Variants in TENM2 observed in about 807,000 individuals in gnomAD.
TENM2 encodes the protein teneurin transmembrane protein 2.
A neutral mutation model predicts 245.2 loss-of-function variants in TENM2; 52 were observed. The ratio of observed to expected loss-of-function variants is 0.21; its 90% CI spans 0.17 to 0.27. TENM2 has a LOEUF of 0.27. TENM2 is among the 10% of genes least tolerant of loss of function. The probability of loss-of-function intolerance (pLI) is 1.00; values close to 1 mark genes in which losing one functional copy is unlikely to be tolerated. For missense variants in TENM2, 3,046 were observed against 3,666.8 expected (o/e 0.83, Z 4.37); for synonymous variants, 1,363 against 1,438.9 (o/e 0.95, Z 1.19).
intron 10 of TENM2, among the ~76,000 whole-genome samples, chr5:168,119,910 A>G (rs1795350947): frequency 6.6e-6 from 1 of 152,240 alleles, no homozygotes; most frequent in Admixed American, 6.5e-5. Flanking sequence ...CCTCATGGCC[A>G]GGCTAACAAG....
chr5:167,863,480 C>T (rs566695043), intron 2 of TENM2, among the ~76,000 whole-genome samples: 6 of 151,392 alleles, frequency 4.0e-5, no homozygotes, highest in South Asian at 4.2e-4. Context: ...CACACACACA[C>T]ACACACACAC....
At chr5:167,336,280 C>G (rs1757749943) in intron 1 of TENM2, among the ~76,000 whole-genome samples, 1 of 138,614 alleles carries the variant, frequency 7.2e-6, no homozygotes, top group South Asian at 2.3e-4. Flanking sequence ...TGGCCACATT[C>G]TATAGCAAGC....
chr5:167,401,496 AT>A (rs1762364575), intron 2 of TENM2, among the ~76,000 whole-genome samples: 2 of 152,276 alleles, frequency 1.3e-5, no homozygotes, highest in Admixed American at 6.5e-5. Context: ...AAGTCTTTAA[AT>A]TTTTAAAAGG....
chr5:168,241,929 T>C (rs1249639338), intron 25 of TENM2, among the ~76,000 whole-genome samples: 1 of 152,116 alleles, frequency 6.6e-6, no homozygotes, highest in African/African-American at 2.4e-5. Flanking sequence ...GGGAAAGCAA[T>C]CCTTGGCTGT....
intron 15 of TENM2, among the ~76,000 whole-genome samples, chr5:168,198,339 G>GCACC (rs1477122746): frequency 6.6e-6 from 1 of 151,894 alleles, no homozygotes; most frequent in African/African-American, 2.4e-5. Flanking sequence ...GAGACTACAG[G>GCACC]CACCCACCAC....
intron 2 of TENM2, among the ~76,000 whole-genome samples, chr5:167,433,970 T>C (rs1020206638): frequency 6.6e-6 from 1 of 152,186 alleles, no homozygotes; most frequent in Non-Finnish European, 1.5e-5. Flanking sequence ...AACATATCTT[T>C]GTATTATCTT....
chr5:167,584,641 T>A (rs1303292917), intron 2 of TENM2, among the ~76,000 whole-genome samples: 1 of 152,122 alleles, frequency 6.6e-6, no homozygotes, highest in African/African-American at 2.4e-5. Flanking sequence ...CGGCCTTAGA[T>A]TCCCTACCCC....
At chr5:167,066,661 A>G in the TENM2 span, among the ~76,000 whole-genome samples, 1 of 151,942 alleles carries the variant, frequency 6.6e-6, no homozygotes, top group Non-Finnish European at 1.5e-5. Flanking sequence ...AACAAATCAA[A>G]TGTCCCAGAA....
chr5:168,020,355 C>G (rs1333591099), intron 5 of TENM2, among the ~76,000 whole-genome samples: 1 of 152,184 alleles, frequency 6.6e-6, no homozygotes, highest in African/African-American at 2.4e-5. Flanking sequence ...ATAGACAGTA[C>G]CCACATTCCT....
intron 2 of TENM2, among the ~76,000 whole-genome samples, chr5:167,627,184 T>G (rs1382362764): frequency 6.6e-6 from 1 of 152,174 alleles, no homozygotes; most frequent in Non-Finnish European, 1.5e-5. Flanking sequence ...AATGAATTAA[T>G]CCATAGATAA....
At chr5:167,323,675 A>T (rs1300014893) in intron 1 of TENM2, among the ~76,000 whole-genome samples, 1 of 152,216 alleles carries the variant, frequency 6.6e-6, no homozygotes, top group Admixed American at 6.5e-5. Context: ...AAATTTTGAT[A>T]AATGTTACAC....
the TENM2 span, among the ~76,000 whole-genome samples, chr5:166,982,232 C>T: frequency 6.6e-6 from 1 of 152,050 alleles, no homozygotes; most frequent in Non-Finnish European, 1.5e-5. Context: ...TGGAACTTGT[C>T]AATCACATTT....
intron 4 of TENM2, among the ~76,000 whole-genome samples, chr5:167,956,959 T>C (rs999624233): frequency 6.6e-6 from 1 of 152,136 alleles, no homozygotes. Flanking sequence ...TTTGCCAGGT[T>C]TTGCTATCAG....
At chr5:167,525,662 A>G (rs773995022) in intron 2 of TENM2, among the ~76,000 whole-genome samples, 2 of 152,114 alleles carry the variant, frequency 1.3e-5, no homozygotes, top group Admixed American at 1.3e-4. Context: ...TTCCATTTCT[A>G]TGTGTTCCTG....
At chr5:167,016,277 C>CAAAAAA in the TENM2 span, among the ~76,000 whole-genome samples, 5 of 82,198 alleles carry the variant, frequency 6.1e-5, no homozygotes, top group Non-Finnish European at 7.6e-5. Context: ...AACAAACAAA[C>CAAAAAA]AAACAAAAAA....
the TENM2 span, among the ~76,000 whole-genome samples, chr5:167,100,898 C>A: frequency 6.6e-6 from 1 of 152,120 alleles, no homozygotes; most frequent in African/African-American, 2.4e-5. Context: ...GACACAAATT[C>A]AACATGAGTA....
At position 167,934,132 on chromosome 5, in the gene TENM2, A is replaced by T. The variant is rs1030297024; in HGVS notation, c.713-18456A>T. On this transcript the variant is annotated intron_variant, in intron 3 of 28. Transcript: ENST00000518659. ...TTAAACTGGGACTGATTCCCCCAGAACACATATTATCATGGACAGCTTTCT... is the reference window on the plus strand; with the variant it reads ...TTAAACTGGGACTGATTCCCCCAGATCACATATTATCATGGACAGCTTTCT... Among the ~76,000 whole-genome samples the T allele has an allele frequency of 2.6e-5, 4 of 152,242 alleles. No individual in the cohort carries two copies. The East Asian group carries it at 7.7e-4, about 29-fold the overall frequency.
At chr5:167,488,400 C>T (rs1477099067) in intron 2 of TENM2, among the ~76,000 whole-genome samples, 1 of 152,134 alleles carries the variant, frequency 6.6e-6, no homozygotes, top group Non-Finnish European at 1.5e-5. Context: ...TTAATTACTC[C>T]CATATTGCTA....
intron 2 of TENM2, among the ~76,000 whole-genome samples, chr5:167,775,696 A>T (rs950885818): frequency 1.3e-5 from 2 of 152,190 alleles, no homozygotes; most frequent in Non-Finnish European, 2.9e-5. Flanking sequence ...ATTAAAAAAA[A>T]AATAAACAAG....
Sources: allele counts gnomAD v4.1 joint callset (sites outside exome capture counted in the v4.1 genomes callset), GRCh38; gene constraint gnomAD v4.1.1; transcripts MANE v1.5; gene names NCBI Gene and HGNC (gene_info 2026-07-23, HGNC 2026-07-21).